Variants in RIGI observed in about 807,000 individuals in gnomAD.
RIGI encodes RNA sensor RIG-I.
the RIGI span, among the ~76,000 whole-genome samples, chr9:32,521,139 C>CAAAAAAAAACAAAAAAAAAAAAAA: frequency 3.1e-5 from 1 of 32,776 alleles, no homozygotes; most frequent in Non-Finnish European, 5.6e-5. Flanking sequence ...GACACCATCT[C>CAAAAAAAAACAAAAAAAAAAAAAA]AAAAAAAAAA....
chr9:32,488,343 C>T, the RIGI span: 2 of 801,710 alleles, frequency 2.5e-6, no homozygotes, highest in East Asian at 5.2e-5. Context: ...GTCCTTAGCA[C>T]AGAGCCTGAC....
chr9:32,467,766 G>A, the RIGI span: 48 of 1,578,102 alleles, frequency 3.0e-5, no homozygotes, highest in Admixed American at 4.5e-4. Context: ...TCTTACCTCT[G>A]GTTTGGATCA....
At chr9:32,506,949 G>C in the RIGI span, among the ~76,000 whole-genome samples, 1 of 151,960 alleles carries the variant, frequency 6.6e-6, no homozygotes, top group African/African-American at 2.4e-5. Flanking sequence ...ATAATATGTT[G>C]GCTGATTGCC....
At chr9:32,473,048 A>T in the RIGI span, 1 of 1,608,558 alleles carries the variant, frequency 6.2e-7, no homozygotes, top group Non-Finnish European at 8.5e-7. Flanking sequence ...GATTTCCTTC[A>T]ATCCAATTTT....
chr9:32,519,018 A>C, the RIGI span, among the ~76,000 whole-genome samples: 1 of 152,160 alleles, frequency 6.6e-6, no homozygotes. Flanking sequence ...CCTAAAGTGA[A>C]TTTCTTAATT....
At chr9:32,504,035 C>T in the RIGI span, among the ~76,000 whole-genome samples, 1 of 40,458 alleles carries the variant, frequency 2.5e-5, no homozygotes, top group Non-Finnish European at 6.6e-5. Context: ...GAGCAAGACT[C>T]CAAACACACA....
the RIGI span, among the ~76,000 whole-genome samples, chr9:32,465,192 T>C: frequency 1.3e-5 from 2 of 152,210 alleles, no homozygotes; most frequent in Non-Finnish European, 2.9e-5. Context: ...AACTAAATAA[T>C]TTCCCTGCAA....
the RIGI span, among the ~76,000 whole-genome samples, chr9:32,480,989 T>G: frequency 2.8e-4 from 42 of 152,316 alleles, no homozygotes; most frequent in Middle Eastern, 3.4e-3. Flanking sequence ...CAACAGAACT[T>G]TCCACTTGCT....
At chr9:32,504,954 ATT>A in the RIGI span, among the ~76,000 whole-genome samples, 1 of 50,116 alleles carries the variant, frequency 2.0e-5, no homozygotes, top group East Asian at 3.2e-4. Flanking sequence ...AAACATATAT[ATT>A]ATATATTTAT....
At chr9:32,483,168 C>T in the RIGI span, among the ~76,000 whole-genome samples, 9 of 152,206 alleles carry the variant, frequency 5.9e-5, no homozygotes, top group South Asian at 1.0e-3. Flanking sequence ...TTCGCCAGGG[C>T]TCCTCATGAA....
chr9:32,478,319 A>G, the RIGI span, among the ~76,000 whole-genome samples: 3 of 152,306 alleles, frequency 2.0e-5, no homozygotes, highest in South Asian at 2.1e-4. Context: ...TGCTGGCACT[A>G]CAGGTGTGAG....
At chr9:32,472,154 T>C in the RIGI span, among the ~76,000 whole-genome samples, 1 of 152,186 alleles carries the variant, frequency 6.6e-6, no homozygotes, top group East Asian at 1.9e-4. Context: ...CTTTTTAAAA[T>C]TGTAAAATAC....
At chr9:32,508,258 T>TTTTTTTTTTTTTTTTTTTTTTTTA in the RIGI span, among the ~76,000 whole-genome samples, 4 of 137,996 alleles carry the variant, frequency 2.9e-5, no homozygotes, top group Admixed American at 7.3e-5. Context: ...TTTTTTTTTT[T>TTTTTTTTTTTTTTTTTTTTTTTTA]ACTATATGAA....
At chr9:32,472,806 T>C in the RIGI span, among the ~76,000 whole-genome samples, 1 of 152,198 alleles carries the variant, frequency 6.6e-6, no homozygotes, top group Non-Finnish European at 1.5e-5. Flanking sequence ...CTGCTTTTGC[T>C]TCTGTGGTTA....
the RIGI span, chr9:32,491,275 G>T: frequency 6.2e-7 from 1 of 1,610,618 alleles, no homozygotes; most frequent in South Asian, 1.1e-5. Context: ...GCACCATTAT[G>T]GAAAAGGACA....
the RIGI span, among the ~76,000 whole-genome samples, chr9:32,478,347 T>C: frequency 2.0e-5 from 3 of 150,638 alleles, no homozygotes; most frequent in Non-Finnish European, 4.4e-5. Flanking sequence ...GCCTGGCCAA[T>C]TGTTAAATTT....
At chr9:32,513,050 A>G in the RIGI span, among the ~76,000 whole-genome samples, 1 of 152,040 alleles carries the variant, frequency 6.6e-6, no homozygotes, top group South Asian at 2.1e-4. Context: ...ACTACAAACC[A>G]CTGCTCAATG....
the RIGI span, among the ~76,000 whole-genome samples, chr9:32,468,378 G>A: frequency 6.6e-6 from 1 of 152,136 alleles, no homozygotes; most frequent in African/African-American, 2.4e-5. Flanking sequence ...TAACAAACGA[G>A]GGTCGTGCCA....
the RIGI span, chr9:32,493,894 A>G: frequency 2.5e-6 from 4 of 1,608,618 alleles, no homozygotes; most frequent in African/African-American, 2.7e-5. Flanking sequence ...CAACTTTTCA[A>G]TTTTTTTGAA....
Sources: allele counts gnomAD v4.1 joint callset (sites outside exome capture counted in the v4.1 genomes callset), GRCh38; gene constraint gnomAD v4.1.1; transcripts MANE v1.5; gene names NCBI Gene and HGNC (gene_info 2026-07-23, HGNC 2026-07-21).